The following ELK3 variants were observed in gnomAD, a reference collection of about 807,000 sequenced individuals.
The protein encoded by ELK3 is ETS transcription factor ELK3, also known as ETS domain-containing protein Elk-3.
ELK3 carries 10 observed loss-of-function variants against 28.9 expected under a neutral mutation model. That is an observed-to-expected ratio of 0.35 (90% CI 0.21 to 0.59). The LOEUF (loss-of-function observed/expected upper bound fraction) is 0.59. ELK3 is among the 20% of genes least tolerant of loss of function. The pLI, the probability that ELK3 is intolerant of heterozygous loss-of-function variation, is 0.82. For synonymous variants in ELK3, 272 were observed against 243.5 expected, an observed-to-expected ratio of 1.12 and a Z score of -1.09; for missense variants, 463 against 517.3, an observed-to-expected ratio of 0.90 and a Z score of 1.02.
chr12:96,223,333 G>A (rs887245389), intron 1 of ELK3, among the ~76,000 whole-genome samples: 4 of 152,182 alleles, frequency 2.6e-5, no homozygotes, highest in South Asian at 4.1e-4. Flanking sequence ...GTGAATAGAG[G>A]AGGATCACAG....
At chr12:96,257,543 G>C (rs1167804511) in intron 3 of ELK3, among the ~76,000 whole-genome samples, 3 of 152,220 alleles carry the variant, frequency 2.0e-5, no homozygotes, top group African/African-American at 7.2e-5. Context: ...ATGGGCATAT[G>C]ATGGCCATGG....
intron 1 of ELK3, among the ~76,000 whole-genome samples, chr12:96,205,148 C>T (rs1219092983): frequency 2.0e-5 from 3 of 152,216 alleles, no homozygotes; most frequent in South Asian, 2.1e-4. Context: ...TAACCGTCTC[C>T]ACCCTTGAAG....
At chr12:96,210,559 G>GCCCACACACA (rs199706864) in intron 1 of ELK3, among the ~76,000 whole-genome samples, 1 of 143,064 alleles carries the variant, frequency 7.0e-6, no homozygotes, top group South Asian at 2.1e-4. Context: ...CTGCGCGCGG[G>GCCCACACACA]CGCACGCACA....
chr12:96,252,900 A>C lies in ELK3; in HGVS notation c.1002+5166A>C, dbSNP rs569407824. ...AGAGGATTGACTCCAATTTTGAAAGAAGTTCTACTCTGGGTAAAATGCTAT... is the reference window on the plus strand; with the variant it reads ...AGAGGATTGACTCCAATTTTGAAAGCAGTTCTACTCTGGGTAAAATGCTAT... On this transcript the variant is annotated intron_variant, in intron 3 of 4. Coordinates refer to ENST00000228741, the MANE Select transcript of ELK3 (RefSeq NM_005230.4). Among the ~76,000 whole-genome samples, 343 of 152,358 alleles carry C rather than the reference A, an allele frequency of 2.3e-3. 1 individual carries two copies. The highest frequency in any genetic ancestry group is 5.9e-3 in the Admixed American group (90 of 15,308).
intron 2 of ELK3, among the ~76,000 whole-genome samples, chr12:96,228,631 T>C (rs1286553870): frequency 1.3e-5 from 2 of 152,148 alleles, no homozygotes; most frequent in Non-Finnish European, 2.9e-5. Context: ...TTTAATCTGT[T>C]CTGAAAATTC....
At position 96,241,426 on chromosome 12, in the gene ELK3, TTGTG is replaced by T. The variant is rs57658963; in HGVS notation, c.208-5484_208-5481del. Among the ~76,000 whole-genome samples, 758 of 146,444 alleles carry T rather than the reference TTGTG, an allele frequency of 5.2e-3. 6 individuals are homozygous for T. The highest frequency in any genetic ancestry group is 0.011 in the Admixed American group (165 of 14,592). ...CTCTTCAAAGGGCACAGTGGAGCGT[TTGTG>T]TGTGTGTGTGTGTGTGTGTGTGTGT... On this transcript the variant is annotated intron_variant, in intron 2 of 4. Coordinates refer to ENST00000228741, the MANE Select transcript of ELK3 (RefSeq NM_005230.4).
At chr12:96,206,173 A>G (rs748152212) in intron 1 of ELK3, among the ~76,000 whole-genome samples, 2 of 152,148 alleles carry the variant, frequency 1.3e-5, no homozygotes, top group African/African-American at 4.8e-5. Context: ...AAACCTAAAT[A>G]TTAAAGCCTA....
chr12:96,226,458 A>G (rs1951700313), intron 2 of ELK3, among the ~76,000 whole-genome samples: 1 of 152,126 alleles, frequency 6.6e-6, no homozygotes, highest in Non-Finnish European at 1.5e-5. Flanking sequence ...ACACACAAGT[A>G]TACACATACA....
intron 1 of ELK3, among the ~76,000 whole-genome samples, chr12:96,214,447 CA>C: frequency 6.7e-6 from 1 of 148,944 alleles, no homozygotes; most frequent in Non-Finnish European, 1.5e-5. Flanking sequence ...CAAAACAAAA[CA>C]AACAAACAAA....
intron 1 of ELK3, among the ~76,000 whole-genome samples, chr12:96,217,638 A>G (rs1951627999): frequency 6.6e-6 from 1 of 152,148 alleles, no homozygotes; most frequent in Non-Finnish European, 1.5e-5. Context: ...ATTATTTTTT[A>G]ACAAACCAAT....
chr12:96,246,027 AAATT>A (rs1438874522), intron 2 of ELK3, among the ~76,000 whole-genome samples: 1 of 152,228 alleles, frequency 6.6e-6, no homozygotes, highest in African/African-American at 2.4e-5. Flanking sequence ...AAAAAAATAA[AAATT>A]AAAAAGGAAA....
intron 2 of ELK3, among the ~76,000 whole-genome samples, chr12:96,237,218 G>A (rs1780460332): frequency 6.6e-6 from 1 of 152,206 alleles, no homozygotes; most frequent in African/African-American, 2.4e-5. Context: ...GTGGGTGGGG[G>A]AAGATTGCCT....
intron 3 of ELK3, among the ~76,000 whole-genome samples, chr12:96,249,665 C>CT (rs1444857803): frequency 4.2e-5 from 3 of 72,274 alleles, no homozygotes; most frequent in Non-Finnish European, 9.1e-5. Flanking sequence ...ATTTAGGTGT[C>CT]TGTGTTCCCT....
At chr12:96,202,646 C>T (rs536993174) in intron 1 of ELK3, among the ~76,000 whole-genome samples, 1 of 150,966 alleles carries the variant, frequency 6.6e-6, no homozygotes, top group South Asian at 2.1e-4. Flanking sequence ...ACTGCCTCAA[C>T]CTCCCAAGTA....
intron 4 of ELK3, among the ~76,000 whole-genome samples, chr12:96,266,855 A>G (rs2137048026): frequency 6.6e-6 from 1 of 152,350 alleles, no homozygotes; most frequent in South Asian, 2.1e-4. Flanking sequence ...GCCTATGCAT[A>G]TAGAATAATT....
chr12:96,202,034 T>G (rs1951510755), intron 1 of ELK3, among the ~76,000 whole-genome samples: 2 of 152,100 alleles, frequency 1.3e-5, no homozygotes, highest in African/African-American at 4.8e-5. Flanking sequence ...CCTGGTGAAA[T>G]TCCTCCTCCT....
chr12:96,206,134 C>G (rs780934722), intron 1 of ELK3, among the ~76,000 whole-genome samples: 2 of 152,138 alleles, frequency 1.3e-5, no homozygotes, highest in African/African-American at 4.8e-5. Context: ...TTCCTTCAGC[C>G]TCTGCCACAT....
intron 1 of ELK3, among the ~76,000 whole-genome samples, chr12:96,216,067 C>T (rs929385157): frequency 6.6e-5 from 10 of 152,186 alleles, no homozygotes; most frequent in African/African-American, 2.4e-4. Flanking sequence ...TACTCTCGGC[C>T]TCTCTACTCT....
chr12:96,217,579 G>A (rs565985789), intron 1 of ELK3, among the ~76,000 whole-genome samples: 2 of 152,102 alleles, frequency 1.3e-5, no homozygotes, highest in Non-Finnish European at 2.9e-5. Flanking sequence ...TCTCGAACGT[G>A]TTCATTTTGA....
Sources: gnomAD v4.1 joint callset for allele counts (sites outside exome capture counted in the v4.1 genomes callset) on GRCh38, gnomAD v4.1.1 for gene constraint, MANE v1.5 for transcripts, NCBI Gene and HGNC (gene_info 2026-07-23, HGNC 2026-07-21) for gene names.